Variants in MYH15 observed in about 807,000 individuals in gnomAD.
The protein encoded by MYH15 is myosin heavy chain 15, also known as myosin-15.
A neutral mutation model predicts 240.5 loss-of-function variants in MYH15; 227 were observed. The observed-to-expected ratio is 0.94, with a 90% CI of 0.85 to 1.05. MYH15 has a LOEUF of 1.05. Ranked by LOEUF, MYH15 falls within the 50% of genes least tolerant of loss-of-function variation. MYH15 has a pLI of 0.00. For missense variants in MYH15, 2,217 were observed against 2,247.5 expected (o/e 0.99, Z 0.27); for synonymous variants, 785 against 796.7 (o/e 0.99, Z 0.25).
chr3:108,498,142 T>G lies in MYH15; in HGVS notation c.528A>C (p.Gly176=), dbSNP rs1576270521. ...NRENQSILFT[G]ESGAGKTVNS... is the part of the protein sequence containing the mutation. ...TCACAGTCTTTCCAGCACCAGATTC[T>G]CCTCTGTGATTTGAAATTCAGTGAT... Residue 176 remains glycine, a synonymous_variant, in exon 6 of 41, where the codon GGA becomes GGC. Transcript: ENST00000693548. 1 of 1,613,870 alleles carries G rather than the reference T, an allele frequency of 6.2e-7. No individual in the cohort carries two copies. The highest frequency in any genetic ancestry group is 1.3e-5 in the African/African-American group (1 of 75,056).
chr3:108,514,969 ATAAT>A (rs1307208938), upstream of MYH15, among the ~76,000 whole-genome samples: 1 of 152,084 alleles, frequency 6.6e-6, no homozygotes, highest in Non-Finnish European at 1.5e-5. Flanking sequence ...ACTTTTATTG[ATAAT>A]TAATTTTATT....
At chr3:108,440,156 A>C (rs928591505) in intron 23 of MYH15, among the ~76,000 whole-genome samples, 2 of 152,216 alleles carry the variant, frequency 1.3e-5, no homozygotes, top group Non-Finnish European at 2.9e-5. Flanking sequence ...AATATGGGTA[A>C]ATAATTAACA....
chr3:108,387,194 C>T (rs1316353972), intron 38 of MYH15, among the ~76,000 whole-genome samples: 1 of 152,112 alleles, frequency 6.6e-6, no homozygotes, highest in African/African-American at 2.4e-5. Context: ...TTTAATTGCA[C>T]CTAGGAATGG....
At chr3:108,461,224 G>GAA (rs1278494321) in intron 16 of MYH15, among the ~76,000 whole-genome samples, 6 of 152,170 alleles carry the variant, frequency 3.9e-5, no homozygotes, top group Non-Finnish European at 5.9e-5. Flanking sequence ...GATGGCAGAT[G>GAA]TCATGAAGCT....
intron 27 of MYH15, among the ~76,000 whole-genome samples, chr3:108,425,867 C>T (rs1263000305): frequency 2.6e-5 from 4 of 152,132 alleles, no homozygotes; most frequent in African/African-American, 9.7e-5. Flanking sequence ...GTAAAACAGA[C>T]AGTAAAGGCA....
In MYH15 at chr3:108,505,796, T is replaced by G. The variant is rs2083471487; in HGVS notation, c.122A>C (p.Asn41Thr). Residue 41 changes from asparagine (N) to threonine (T), a missense_variant, in exon 2 of 41, where the codon AAT becomes ACT. Coordinates refer to ENST00000693548, the MANE Select transcript of MYH15 (RefSeq NM_014981.3). ...KKKCWIPDGENAYIEAEVKGS... is the reference protein window; with the variant it reads ...KKKCWIPDGETAYIEAEVKGS... ...TTTTACCTCAGCCTCGATATAAGCA[T>G]TCTCACCATCAGGAATCCAGCATTT... 6.2e-7 allele frequency: 1 copy of G among 1,612,694 alleles called. No homozygotes were observed. The highest frequency in any genetic ancestry group is 8.5e-7 in the Non-Finnish European group (1 of 1,179,540).
At chr3:108,463,666 G>A (rs2083090404) in intron 15 of MYH15, among the ~76,000 whole-genome samples, 1 of 151,924 alleles carries the variant, frequency 6.6e-6, no homozygotes, top group East Asian at 1.9e-4. Context: ...AAATTATATG[G>A]GTCCTTTACC....
intron 9 of MYH15, among the ~76,000 whole-genome samples, chr3:108,489,229 C>A (rs1429356234): frequency 2.0e-5 from 3 of 152,132 alleles, no homozygotes; most frequent in South Asian, 2.1e-4. Context: ...TGATGATGCA[C>A]AATTGTTGTA....
intron 7 of MYH15, 28 bp downstream of exon 7, chr3:108,495,752 T>C (rs2083384693): frequency 6.4e-7 from 1 of 1,555,306 alleles, no homozygotes; most frequent in Non-Finnish European, 8.8e-7. Flanking sequence ...TTAAATACTT[T>C]GATATTATGC....
chr3:108,436,095 T>C lies in MYH15; in HGVS notation c.3221+1459A>G, dbSNP rs746548828. Among the ~76,000 whole-genome samples the C allele has an allele frequency of 2.7e-4, 41 of 152,306 alleles. 1 individual carries two copies. Among genetic ancestry groups the C allele is most frequent in the Non-Finnish European group, 1.2e-4 (8 of 68,020 alleles). On this transcript the variant is annotated intron_variant, in intron 25 of 40. Coordinates refer to ENST00000693548, the MANE Select transcript of MYH15 (RefSeq NM_014981.3). Reference sequence around the variant, plus strand: ...CATTTAAGTCTCTTGTCATCGCTAATTTGAAATGCCACCTTTATCGCTTAT... The same window carrying C: ...CATTTAAGTCTCTTGTCATCGCTAACTTGAAATGCCACCTTTATCGCTTAT...
chr3:108,388,934 C>T, intron 38 of MYH15, 36 bp downstream of exon 38: 1 of 1,590,514 alleles, frequency 6.3e-7, no homozygotes, highest in Non-Finnish European at 8.6e-7. Context: ...AGGGTAGTGC[C>T]CAGCCAGACA....
Position 108,426,446 on chromosome 3 carries a change from G to A in MYH15, c.3702+2046C>T, listed in dbSNP as rs118158623. On this transcript the variant is annotated intron_variant, in intron 27 of 40. Transcript: ENST00000693548. Reference sequence around the variant, plus strand: ...AGCTTGCTGCCCAGGGCTGCCTCAAGTCTTTGCTCCCCACATGCCAGTTCA... The same window carrying A: ...AGCTTGCTGCCCAGGGCTGCCTCAAATCTTTGCTCCCCACATGCCAGTTCA... Among the ~76,000 whole-genome samples, 50 of 152,258 alleles carry A rather than the reference G, an allele frequency of 3.3e-4. No individual in the cohort carries two copies. The East Asian group carries it at 9.3e-3, about 28-fold the overall frequency.
At position 108,495,812 on chromosome 3, in the gene MYH15, T is replaced by C. The variant is rs545411477; in HGVS notation, c.679A>G (p.Lys227Glu). The change falls in exon 7 of 41, where the codon AAA (lysine) becomes GAA (glutamate). Residue 227 changes from lysine (K) to glutamate (E), a missense_variant. Physicochemically the swap from Lys to Glu is moderately conservative, Grantham distance 56 (BLOSUM62 1). Transcript: ENST00000693548. ...NTILEAFGNA[K>E]TLRNDNSSRF... ...GAGGAGTTGTCATTTCTCAGGGTTT[T>C]AGCATTTCCAAATGCTTCCAAGATA... is the stretch of plus-strand genomic sequence containing the variant. 5.0e-6 allele frequency: 8 copies of C among 1,612,992 alleles called. No individual in the cohort carries two copies. The East Asian group carries it at 1.6e-4, about 31-fold the overall frequency.
At chr3:108,541,631 G>A in the MYH15 span, among the ~76,000 whole-genome samples, 1 of 152,080 alleles carries the variant, frequency 6.6e-6, no homozygotes, top group East Asian at 1.9e-4. Flanking sequence ...GAGGATGTGG[G>A]GAAACAAATA....
At position 108,470,841 on chromosome 3, in the gene MYH15, A is replaced by G. The variant is rs1219756091; in HGVS notation, c.1240T>C (p.Cys414Arg). The G allele has an allele frequency of 1.9e-6, 3 of 1,613,268 alleles. No individual in the cohort carries two copies. The South Asian group carries it at 3.3e-5, about 18-fold the overall frequency. Reference protein sequence around the residue: ...TRGQTIEQVTCAVGALSKSMY... With the variant: ...TRGQTIEQVTRAVGALSKSMY... The stretch of plus-strand genomic sequence containing the variant: ...GACTTGGACAGGGCACCGACAGCAC[A>G]GGTTACCTAGAAATCACATTGAAAA... Residue 414 changes from cysteine to arginine, a missense_variant, in exon 13 of 41, where the codon TGT (cysteine) becomes CGT (arginine). By Grantham distance (180) the Cys-to-Arg change is radical. Coordinates refer to ENST00000693548, the MANE Select transcript of MYH15 (RefSeq NM_014981.3).
In MYH15 at chr3:108,384,777, C is replaced by T. The variant is rs1560302384; in HGVS notation, c.5541G>A (p.Glu1847=). The part of the protein sequence containing the change: ...RCIKELTYQA[E]EDKKNLSRMQ... ...TCCTGCTCAGATTCTTCTTGTCTTC[C>T]TCTGCCTGCAATACATAGGCATGTA... The change falls in exon 39 of 41, where the codon GAG becomes GAA. Residue 1847 remains glutamate, a synonymous_variant. Transcript: ENST00000693548. 6 of 1,613,552 alleles carry T rather than the reference C, an allele frequency of 3.7e-6. No homozygotes were observed. Among genetic ancestry groups the T allele is most frequent in the East Asian group, 2.2e-5 (1 of 44,880 alleles).
chr3:108,456,873 G>A lies in MYH15; in HGVS notation c.2031C>T (p.Asp677=). 6.2e-7 allele frequency: 1 copy of A among 1,609,968 alleles called. No individual in the cohort carries two copies. The highest frequency in any genetic ancestry group is 8.5e-7 in the Non-Finnish European group (1 of 1,177,034). The change falls in exon 19 of 41, where the codon GAC becomes GAT. Residue 677 remains aspartate, a synonymous_variant. Transcript: ENST00000693548. The part of the protein sequence containing the change: ...PNVNKIPGIL[D]PYLVLQQLRC... ...GCAACTGCTGTAGAACCAAGTAAGG[G>A]TCCAGTATACCTGGAAAAAAAAAAG...
intron 18 of MYH15, among the ~76,000 whole-genome samples, chr3:108,458,664 G>A (rs914756553): frequency 6.6e-6 from 1 of 151,990 alleles, no homozygotes; most frequent in Non-Finnish European, 1.5e-5. Context: ...CTCCAAAGAG[G>A]TGGCTGGGAA....
chr3:108,428,420 C>T (rs2082743750), intron 27 of MYH15, 72 bp downstream of exon 27: 3 of 1,502,912 alleles, frequency 2.0e-6, no homozygotes, highest in Admixed American at 2.2e-5. Flanking sequence ...TTTTCTTTTC[C>T]CTCCCCTCCC....
Sources: allele counts gnomAD v4.1 joint callset (sites outside exome capture counted in the v4.1 genomes callset), GRCh38; gene constraint gnomAD v4.1.1; transcripts MANE v1.5; gene names NCBI Gene and HGNC (gene_info 2026-07-23, HGNC 2026-07-21).